The following STOM variants were observed in gnomAD, a reference collection of about 807,000 sequenced individuals.
The protein encoded by STOM is erythrocyte band 7 integral membrane protein.
STOM carries 25 observed loss-of-function variants against 30.6 expected under a neutral mutation model. The ratio of observed to expected loss-of-function variants is 0.82; its 90% CI spans 0.60 to 1.14. STOM has a LOEUF of 1.14. STOM is among the 50% of genes most tolerant of loss of function. STOM has a pLI of 0.00. For synonymous variants in STOM, 118 were observed against 130.8 expected, an observed-to-expected ratio of 0.90 and a Z score of 0.67; for missense variants, 292 against 365.2, an observed-to-expected ratio of 0.80 and a Z score of 1.63.
At chr9:121,369,950 T>G in intron 1 of STOM, 177 bp downstream of exon 1, 2 of 570,758 alleles carry the variant, frequency 3.5e-6, no homozygotes, top group South Asian at 2.4e-5. Context: ...CATCGTGACC[T>G]CAGTCTGCCA....
At chr9:121,352,075 A>C (rs1310824667) in intron 4 of STOM, among the ~76,000 whole-genome samples, 1 of 152,196 alleles carries the variant, frequency 6.6e-6, no homozygotes, top group East Asian at 1.9e-4. Context: ...GTTTTGTAAT[A>C]ATCATTCCTC....
intron 1 of STOM, among the ~76,000 whole-genome samples, chr9:121,368,101 C>A (rs1183182907): frequency 7.4e-6 from 1 of 134,552 alleles, no homozygotes; most frequent in Non-Finnish European, 1.6e-5. Context: ...TTAATAAATT[C>A]CAGCAATACC....
At chr9:121,345,802 C>T (rs2064284360) in intron 6 of STOM, among the ~76,000 whole-genome samples, 1 of 152,026 alleles carries the variant, frequency 6.6e-6, no homozygotes, top group Admixed American at 6.6e-5. Flanking sequence ...GGCTCATAGC[C>T]CATCCTGGGA....
chr9:121,356,133 G>T lies in STOM; in HGVS notation c.85C>A (p.Pro29Thr), dbSNP rs746816228. Reference protein sequence around the residue: ...FKDSPSKGLGPCGWILVAFSF... With the variant: ...FKDSPSKGLGTCGWILVAFSF... ...AACGCCACCAAAATCCATCCGCAAG[G>T]TCCAAGGCCCTTACTGGGGCTGTCT... Residue 29 changes from proline to threonine, a missense_variant, in exon 2 of 7, where the codon CCT becomes ACT. Physicochemically the swap from Pro to Thr is conservative, Grantham distance 38. Transcript: ENST00000286713. 6.2e-7 allele frequency: 1 copy of T among 1,614,036 alleles called. No individual in the cohort carries two copies. Among genetic ancestry groups the T allele is most frequent in the Non-Finnish European group, 8.5e-7 (1 of 1,179,978 alleles).
In STOM at chr9:121,339,755, G is replaced by A. The variant is rs1042977039; in HGVS notation, c.*1447C>T. 1.6e-6 allele frequency: 2 copies of A among 1,226,072 alleles called. No homozygotes were observed. The highest frequency in any genetic ancestry group is 2.0e-6 in the Non-Finnish European group (2 of 984,742). 75.9% of individuals were successfully genotyped at this position (1,226,072 alleles called of 1,614,324 possible). A position where few individuals can be genotyped will look rare whatever the true frequency, so the allele number is the denominator to read the frequency against. On this transcript the variant is annotated 3_prime_UTR_variant, in exon 7 of 7. Coordinates refer to ENST00000286713, the MANE Select transcript of STOM (RefSeq NM_004099.6). ...TCCTAATATTATAGACTAAGAATTT[G>A]TTGTCCAGAGGAGCTGACCAGTTCC... is the stretch of plus-strand genomic sequence containing the variant.
rs1171095940 is a variant in STOM at position 121,341,403 on chromosome 9, A to G, written c.666T>C (p.Ile222=). 6.2e-7 allele frequency: 1 copy of G among 1,612,818 alleles called. No individual in the cohort carries two copies. Among genetic ancestry groups the G allele is most frequent in the African/African-American group, 1.3e-5 (1 of 74,908 alleles). ...ATGCATTCATTTCTCCTTCGGCTGCAATAACCTATGGACAGGTGAAAGGAG... is the reference window on the plus strand; with the variant it reads ...ATGCATTCATTTCTCCTTCGGCTGCGATAACCTATGGACAGGTGAAAGGAG... ...EASREARAKV[I]AAEGEMNASR... is the part of the protein sequence containing the mutation. The change falls in exon 7 of 7, where the codon ATT becomes ATC. Residue 222 remains isoleucine, a synonymous_variant. Coordinates refer to ENST00000286713, the MANE Select transcript of STOM (RefSeq NM_004099.6).
At chr9:121,363,555 TA>T (rs2064474413) in intron 1 of STOM, among the ~76,000 whole-genome samples, 1 of 152,236 alleles carries the variant, frequency 6.6e-6, no homozygotes, top group Non-Finnish European at 1.5e-5. Context: ...AGTACCTACA[TA>T]AACAGCACAG....
chr9:121,366,045 G>C, intron 1 of STOM: 1 of 847,800 alleles, frequency 1.2e-6, no homozygotes, highest in Non-Finnish European at 1.4e-6. Flanking sequence ...TTAAGTGATG[G>C]TAGGGTGATC....
intron 1 of STOM, among the ~76,000 whole-genome samples, chr9:121,367,513 A>G (rs921917728): frequency 6.6e-6 from 1 of 152,278 alleles, no homozygotes; most frequent in African/African-American, 2.4e-5. Flanking sequence ...CTGATTGGCT[A>G]TAACAACTGA....
At chr9:121,348,932 T>A (rs1481934301) in intron 5 of STOM, among the ~76,000 whole-genome samples, 188 bp downstream of exon 5, 1 of 152,122 alleles carries the variant, frequency 6.6e-6, no homozygotes, top group Non-Finnish European at 1.5e-5. Context: ...CGCATGAGTG[T>A]TATGAACTCA....
At chr9:121,357,106 T>G (rs1412314394) in intron 1 of STOM, among the ~76,000 whole-genome samples, 1 of 152,190 alleles carries the variant, frequency 6.6e-6, no homozygotes, top group Non-Finnish European at 1.5e-5. Flanking sequence ...GAGCCTCTTT[T>G]TAAAAATTAC....
At chr9:121,369,456 T>C (rs577374591) in intron 1 of STOM, among the ~76,000 whole-genome samples, 1 of 151,972 alleles carries the variant, frequency 6.6e-6, no homozygotes, top group Admixed American at 6.5e-5. Flanking sequence ...AGCTCCTGCC[T>C]TGAAGACTGG....
chr9:121,369,745 G>A (rs183263008), intron 1 of STOM, among the ~76,000 whole-genome samples: 20 of 152,272 alleles, frequency 1.3e-4, no homozygotes, highest in African/African-American at 4.8e-4. Context: ...AGTCGGGAAA[G>A]AAGGGGAGTG....
chr9:121,339,960 G>C lies in STOM; in HGVS notation c.*1242C>G, dbSNP rs764740314. On this transcript the variant is annotated 3_prime_UTR_variant, in exon 7 of 7. Transcript: ENST00000286713. ...GGGTTTGTAATCAACATATTTCACAGTGTACCACAGTTAACAGCATGCAGA... is the reference window on the plus strand; with the variant it reads ...GGGTTTGTAATCAACATATTTCACACTGTACCACAGTTAACAGCATGCAGA... 2.0e-6 allele frequency: 2 copies of C among 1,021,044 alleles called. No homozygotes were observed. Among genetic ancestry groups the C allele is most frequent in the Non-Finnish European group, 2.3e-6 (2 of 853,956 alleles). 63.2% of individuals were successfully genotyped at this position (1,021,044 alleles called of 1,614,324 possible). A position where few individuals can be genotyped will look rare whatever the true frequency, so the allele number is the denominator to read the frequency against.
Position 121,370,211 on chromosome 9 carries a change from C to A in STOM, c.-24G>T, listed in dbSNP as rs146697695. ...ATGCTGCCCGAGACGCAGTCGCACTCCCCCGTCCTCGTTGCCAAACCCGGA... is the reference window on the plus strand; with the variant it reads ...ATGCTGCCCGAGACGCAGTCGCACTACCCCGTCCTCGTTGCCAAACCCGGA... On this transcript the variant is annotated 5_prime_UTR_variant, in exon 1 of 7. Coordinates refer to ENST00000286713, the MANE Select transcript of STOM (RefSeq NM_004099.6). 5,172 of 1,543,552 alleles carry A rather than the reference C, an allele frequency of 3.4e-3. 28 individuals carry two copies. Among genetic ancestry groups the A allele is most frequent in the South Asian group, 0.013 (1,107 of 83,800 alleles).
Position 121,357,424 on chromosome 9 carries a change from GATATAT to G in STOM, c.62-1274_62-1269del, listed in dbSNP as rs1156937416. 6.3e-4 allele frequency among the ~76,000 whole-genome samples: 60 copies of G among 95,428 alleles called. 1 individual carries two copies. The highest frequency in any genetic ancestry group is 1.8e-3 in the African/African-American group (58 of 31,458). 62.6% of individuals were successfully genotyped at this position (95,428 alleles called of 152,430 possible). ...TAGTGTACACACCATATTTTTAAAT[GATATAT>G]ATATATATATTTATTTATTTATTTT... On this transcript the variant is annotated intron_variant, in intron 1 of 6. Transcript: ENST00000286713.
intron 5 of STOM, 117 bp downstream of exon 5, chr9:121,349,001 GAA>G: frequency 8.6e-7 from 1 of 1,163,730 alleles, no homozygotes; most frequent in Non-Finnish European, 1.2e-6. Context: ...TTACTATGAA[GAA>G]AAAAAAACGG....
intron 6 of STOM, among the ~76,000 whole-genome samples, chr9:121,341,871 T>C (rs1165415349): frequency 1.3e-5 from 2 of 152,220 alleles, no homozygotes; most frequent in East Asian, 3.8e-4. Context: ...TGCTAAGAAC[T>C]GTATGATACT....
chr9:121,359,577 T>C (rs1034717493), intron 1 of STOM, among the ~76,000 whole-genome samples: 1 of 152,170 alleles, frequency 6.6e-6, no homozygotes, highest in Non-Finnish European at 1.5e-5. Flanking sequence ...GGGTTGTGTA[T>C]ACCCCAGGCA....
Sources: gnomAD v4.1 joint callset for allele counts (sites outside exome capture counted in the v4.1 genomes callset) on GRCh38, gnomAD v4.1.1 for gene constraint, MANE v1.5 for transcripts, NCBI Gene and HGNC (gene_info 2026-07-23, HGNC 2026-07-21) for gene names.